SH2B3: variants seen among roughly 807,000 people sequenced by gnomAD.
SH2B3 encodes SH2B adapter protein 3.
A neutral mutation model predicts 51.9 loss-of-function variants in SH2B3; 43 were observed. That is an observed-to-expected ratio of 0.83 (90% CI 0.65 to 1.07). SH2B3 has a LOEUF of 1.07. Among genes scored for constraint, SH2B3 ranks in the 50% least tolerant of loss-of-function variants. SH2B3 has a pLI of 0.00. For synonymous variants in SH2B3, 396 were observed against 376.0 expected (o/e 1.05, Z -0.62); for missense variants, 952 against 834.3 (o/e 1.14, Z -1.74).
intron 2 of SH2B3, among the ~76,000 whole-genome samples, chr12:111,444,496 A>G (rs1873737244): frequency 6.6e-6 from 1 of 152,216 alleles, no homozygotes; most frequent in South Asian, 2.1e-4. Flanking sequence ...TCAAACCACA[A>G]ATACCTGAAA....
At position 111,448,285 on chromosome 12, in the gene SH2B3, C is replaced by T. The variant is rs766652046; in HGVS notation, c.1711C>T (p.Gln571Ter). 4 of 1,608,450 alleles carry T rather than the reference C, an allele frequency of 2.5e-6. No individual in the cohort carries two copies. The South Asian group carries it at 3.3e-5, about 13-fold the overall frequency. The change falls in exon 8 of 8, where the codon CAG (glutamine) becomes TAG (stop). Residue 571 changes from glutamine (Q) to a stop codon, truncating the protein, a stop_gained. Coordinates refer to ENST00000341259, the MANE Select transcript of SH2B3 (RefSeq NM_005475.3). LOFTEE classifies it high-confidence loss of function. ...GAGCCACCTGCGGGCCATAGACAAT[C>T]AGTACACACCTCTCTGACCAGTGAG... ...SRSHLRAIDNQYTPL is the reference protein window; with the variant it reads ...SRSHLRAIDN
intron 1 of SH2B3, among the ~76,000 whole-genome samples, chr12:111,413,654 A>C (rs906587071): frequency 2.6e-5 from 4 of 152,228 alleles, no homozygotes; most frequent in African/African-American, 9.6e-5. Context: ...AGGTTGGTTC[A>C]TGCTGGTTGC....
chr12:111,418,066 C>T lies in SH2B3; in HGVS notation c.-27-53C>T, dbSNP rs1871209612. On this transcript the variant is annotated intron_variant, in intron 1 of 7. Coordinates refer to ENST00000341259, the MANE Select transcript of SH2B3 (RefSeq NM_005475.3). The surrounding 1 kb of genome is among the most constrained non-coding windows in gnomAD (Gnocchi z 6.7). ...GCCCGGTGTGTAATGGGGCCTACAC[C>T]TGCTTGCCCACCTGCTTACTCCTTG... 7.2e-7 allele frequency: 1 copy of T among 1,380,230 alleles called. No individual in the cohort carries two copies. Among genetic ancestry groups the T allele is most frequent in the Admixed American group, 2.5e-5 (1 of 39,320 alleles). The allele number at this position is 1,380,230 out of a possible 1,614,324, so 85.5% of individuals were successfully genotyped here. A position where few individuals can be genotyped will look rare whatever the true frequency, so the allele number is the denominator to read the frequency against.
At position 111,448,166 on chromosome 12, in the gene SH2B3, C is replaced by T. The variant is rs371681526; in HGVS notation, c.1592C>T (p.Ser531Leu). 4.3e-5 allele frequency: 69 copies of T among 1,614,020 alleles called. No homozygotes were observed. In the East Asian group the frequency reaches 5.3e-4, roughly 13 times the overall value. The stretch of plus-strand genomic sequence containing the variant: ...GAGCAGATCTTCCACCTGGTGCCTT[C>T]GCCCGAAGAACTGGCCAACAGCCTG... ...PPEQIFHLVP[S>L]PEELANSLQH... Residue 531 changes from serine (S) to leucine (L), a missense_variant, in exon 8 of 8, where the codon TCG becomes TTG. Ser to Leu is a moderately radical substitution (Grantham distance 145). Coordinates refer to ENST00000341259, the MANE Select transcript of SH2B3 (RefSeq NM_005475.3).
intron 2 of SH2B3, among the ~76,000 whole-genome samples, chr12:111,446,431 C>T (rs1403292780): frequency 1.3e-5 from 2 of 152,200 alleles, no homozygotes; most frequent in Non-Finnish European, 2.9e-5. Context: ...CCTGGCTGGG[C>T]AGGGAGCTGT....
intron 2 of SH2B3, among the ~76,000 whole-genome samples, chr12:111,424,782 G>C (rs181716295): frequency 2.8e-3 from 427 of 152,328 alleles, no homozygotes; most frequent in South Asian, 9.3e-3. Context: ...TCTTGCATGT[G>C]CTTGCCAGGT....
rs1873106089 is a variant in SH2B3 at position 111,438,609 on chromosome 12, G to T, written c.733-8144G>T. 6.6e-6 allele frequency among the ~76,000 whole-genome samples: 1 copy of T among 152,212 alleles called. No individual in the cohort carries two copies. Among genetic ancestry groups the T allele is most frequent in the Admixed American group, 6.5e-5 (1 of 15,286 alleles). On this transcript the variant is annotated intron_variant, in intron 2 of 7. Coordinates refer to ENST00000341259, the MANE Select transcript of SH2B3 (RefSeq NM_005475.3). The surrounding 1 kb of genome is among the most constrained non-coding windows in gnomAD (Gnocchi z 4.2). ...AGCACCCACCACCTAGCAGGCACTG[G>T]CTCGCGGCCAAGGACACCACGTGAG...
rs1324887137 is a variant in SH2B3 at position 111,407,343 on chromosome 12, G to A, written c.-28+1066G>A. Among the ~76,000 whole-genome samples the A allele has an allele frequency of 6.6e-6, 1 of 152,208 alleles. No homozygotes were observed. Among genetic ancestry groups the A allele is most frequent in the African/African-American group, 2.4e-5 (1 of 41,452 alleles). ...TCGGCAAGGCCAGCTTTGGTGGCAG[G>A]AGGGACCGAGATCTGACCCGCAGCC... On this transcript the variant is annotated intron_variant, in intron 1 of 7. Transcript: ENST00000341259. The surrounding 1 kb of genome is among the most constrained non-coding windows in gnomAD (Gnocchi z 4.3).
At chr12:111,413,441 A>G (rs531690527) in intron 1 of SH2B3, among the ~76,000 whole-genome samples, 2 of 152,206 alleles carry the variant, frequency 1.3e-5, no homozygotes, top group South Asian at 4.1e-4. Flanking sequence ...GCAGACGCTC[A>G]GTAAATGCCA....
chr12:111,405,680 C>T (rs1166680870), upstream of SH2B3, among the ~76,000 whole-genome samples: 3 of 152,240 alleles, frequency 2.0e-5, no homozygotes, highest in Non-Finnish European at 4.4e-5. This position sits in a 1 kb window ranked among gnomAD's most constrained non-coding sequence, Gnocchi z 5.4. Context: ...GTGGGCGTGG[C>T]TTCGCAAGGC....
At chr12:111,423,937 AC>A (rs1196646924) in intron 2 of SH2B3, among the ~76,000 whole-genome samples, 1 of 152,078 alleles carries the variant, frequency 6.6e-6, no homozygotes, top group Non-Finnish European at 1.5e-5. Context: ...ACATGGTGAA[AC>A]CCCGTCTCTA....
chr12:111,430,967 T>C (rs1393730502), intron 2 of SH2B3, among the ~76,000 whole-genome samples: 69 of 138,188 alleles, frequency 5.0e-4, no homozygotes, highest in Non-Finnish European at 1.6e-5. Context: ...CAGTTCTTTG[T>C]GAATGGAAAA....
rs1870333034 is a variant in SH2B3, at chr12:111,407,374, C to T, written c.-28+1097C>T. Among the ~76,000 whole-genome samples the T allele has an allele frequency of 6.6e-6, 1 of 152,208 alleles. No individual in the cohort carries two copies. The highest frequency in any genetic ancestry group is 2.1e-4 in the South Asian group (1 of 4,836). On this transcript the variant is annotated intron_variant, in intron 1 of 7. Coordinates refer to ENST00000341259, the MANE Select transcript of SH2B3 (RefSeq NM_005475.3). This position sits in a 1 kb window ranked among gnomAD's most constrained non-coding sequence, Gnocchi z 4.3. The stretch of plus-strand genomic sequence containing the variant: ...CCGAGATCTGACCCGCAGCCCCTCG[C>T]CGGGGAGATGACAGTTCCCTAACAC...
chr12:111,408,531 C>G (rs1006880035), intron 1 of SH2B3, among the ~76,000 whole-genome samples: 1 of 152,092 alleles, frequency 6.6e-6, no homozygotes, highest in African/African-American at 2.4e-5. Context: ...GCTGTGCCAC[C>G]CCCAGACATT....
intron 2 of SH2B3, among the ~76,000 whole-genome samples, chr12:111,422,839 C>T (rs1347469847): frequency 4.6e-5 from 7 of 151,898 alleles, no homozygotes; most frequent in South Asian, 2.1e-4. Flanking sequence ...GGATTACAGG[C>T]GTGAGCTACC....
chr12:111,418,841 C>G lies in SH2B3; in HGVS notation c.696C>G (p.Gly232=). The change falls in exon 2 of 8, where the codon GGC becomes GGG. Residue 232 remains glycine, a synonymous_variant. Transcript: ENST00000341259. The surrounding 1 kb of genome is among the most constrained non-coding windows in gnomAD (Gnocchi z 6.7). ...LALRRAPGPD[G]PDRVLELFDP... is the part of the protein sequence containing the mutation. ...TGCGCCGGGCCCCGGGCCCCGATGGCCCCGACCGCGTGCTGGAGCTCTTCG... is the reference window on the plus strand; with the variant it reads ...TGCGCCGGGCCCCGGGCCCCGATGGGCCCGACCGCGTGCTGGAGCTCTTCG... The G allele has an allele frequency of 7.0e-7, 1 of 1,418,454 alleles. No homozygotes were observed. The allele number at this position is 1,418,454 out of a possible 1,614,324, so 87.9% of individuals were successfully genotyped here.
Position 111,448,246 on chromosome 12 carries a change from G to A in SH2B3, c.1672G>A (p.Asp558Asn), listed in dbSNP as rs1246806620. 1 of 1,614,016 alleles carries A rather than the reference G, an allele frequency of 6.2e-7. No homozygotes were observed. Among genetic ancestry groups the A allele is most frequent in the Non-Finnish European group, 8.5e-7 (1 of 1,180,038 alleles). Residue 558 changes from aspartate (D) to asparagine (N), a missense_variant, in exon 8 of 8, where the codon GAC (aspartate) becomes AAC (asparagine). Asp to Asn is a conservative substitution (Grantham distance 23, BLOSUM62 1). Coordinates refer to ENST00000341259, the MANE Select transcript of SH2B3 (RefSeq NM_005475.3). ...NRARDSDYEMDSSSRSHLRAI... is the reference protein window; with the variant it reads ...NRARDSDYEMNSSSRSHLRAI... ...AGCCCGGGACTCGGACTACGAAATG[G>A]ACTCATCCTCCCGGAGCCACCTGCG...
At chr12:111,416,280 C>G in intron 1 of SH2B3, among the ~76,000 whole-genome samples, 1 of 152,104 alleles carries the variant, frequency 6.6e-6, no homozygotes, top group South Asian at 2.1e-4. Context: ...ATACTCTCAC[C>G]GCAACATGGA....
chr12:111,438,437 C>A lies in SH2B3; in HGVS notation c.733-8316C>A. Among the ~76,000 whole-genome samples, 1 of 152,164 alleles carries A rather than the reference C, an allele frequency of 6.6e-6. No homozygotes were observed. On this transcript the variant is annotated intron_variant, in intron 2 of 7. Transcript: ENST00000341259. The surrounding 1 kb of genome is among the most constrained non-coding windows in gnomAD (Gnocchi z 4.2). ...TGGAGGGGCCTTGGGAGGCCCACCC[C>A]AGCCCTGAGAGCACTGGCTTGTAGC...
Sources: allele counts gnomAD v4.1 joint callset (sites outside exome capture counted in the v4.1 genomes callset), GRCh38; gene constraint gnomAD v4.1.1; non-coding constraint Gnocchi (gnomAD v3.1); transcripts MANE v1.5; gene names NCBI Gene and HGNC (gene_info 2026-07-23, HGNC 2026-07-21).